The following ZNF385D variants were observed in gnomAD, a reference collection of about 807,000 sequenced individuals.
ZNF385D encodes the protein zinc finger protein 659.
In ZNF385D, 15 loss-of-function variants were observed where a neutral mutation model predicts 35.8. That is an observed-to-expected ratio of 0.42 (90% CI 0.28 to 0.64). The LOEUF (loss-of-function observed/expected upper bound fraction) is 0.64. ZNF385D is among the 30% of genes least tolerant of loss of function. The pLI is 0.23. For missense variants in ZNF385D, 474 were observed against 494.6 expected (o/e 0.96, Z 0.39); for synonymous variants, 212 against 186.8 (o/e 1.13, Z -1.10).
intron 3 of ZNF385D, among the ~76,000 whole-genome samples, chr3:21,893,129 A>G (rs958388244): frequency 6.6e-6 from 1 of 152,170 alleles, no homozygotes; most frequent in Non-Finnish European, 1.5e-5. Flanking sequence ...GTAACCTCTC[A>G]GAGCTTTAAG....
intron 2 of ZNF385D, among the ~76,000 whole-genome samples, chr3:22,283,226 T>C (rs758859802): frequency 2.0e-5 from 3 of 152,022 alleles, no homozygotes; most frequent in East Asian, 3.9e-4. Context: ...CAGCAAACGA[T>C]AGTAGTGGGG....
chr3:21,569,466 G>A (rs1177566973), intron 2 of ZNF385D, among the ~76,000 whole-genome samples: 3 of 150,926 alleles, frequency 2.0e-5, no homozygotes, highest in African/African-American at 7.4e-5. Context: ...CTCTGCATGT[G>A]AGATGGGTTT....
At chr3:22,292,561 C>T (rs1702353863) in intron 2 of ZNF385D, among the ~76,000 whole-genome samples, 1 of 151,976 alleles carries the variant, frequency 6.6e-6, no homozygotes, top group Admixed American at 6.6e-5. Context: ...GCAACATGCC[C>T]AGATAAGTTT....
chr3:22,312,608 T>C (rs966211312), intron 2 of ZNF385D, among the ~76,000 whole-genome samples: 2 of 152,136 alleles, frequency 1.3e-5, no homozygotes, highest in Non-Finnish European at 2.9e-5. Context: ...GAACAGACAC[T>C]TCTCAAAAGA....
intron 2 of ZNF385D, among the ~76,000 whole-genome samples, chr3:22,175,495 T>C (rs1694763865): frequency 6.6e-6 from 1 of 152,044 alleles, no homozygotes; most frequent in Non-Finnish European, 1.5e-5. Context: ...AAGGTGGCTC[T>C]AGCCACACAT....
At position 21,999,369 on chromosome 3, in the gene ZNF385D, T is replaced by G. The variant is rs531344120; in HGVS notation, c.325+169448A>C. Among the ~76,000 whole-genome samples, 6 of 152,272 alleles carry G rather than the reference T, an allele frequency of 3.9e-5. No individual in the cohort carries two copies. In the South Asian group the frequency reaches 1.0e-3, roughly 26 times the overall value. On this transcript the variant is annotated intron_variant, in intron 3 of 5. Transcript: ENST00000494108. ...GTCACATCTGATGTTATAGACAACT[T>G]TGAATGCAATCTTAGTGTATGGGAT...
intron 3 of ZNF385D, among the ~76,000 whole-genome samples, chr3:21,777,419 C>T (rs987548405): frequency 1.3e-5 from 2 of 151,912 alleles, no homozygotes; most frequent in Non-Finnish European, 2.9e-5. Context: ...GGCAAAGCAT[C>T]ATGTTCATGG....
chr3:21,833,213 T>G, intron 3 of ZNF385D, among the ~76,000 whole-genome samples: 1 of 152,240 alleles, frequency 6.6e-6, no homozygotes, highest in South Asian at 2.1e-4. Flanking sequence ...ATTTTTAGAA[T>G]GGTATACTTA....
chr3:21,440,269 G>A (rs1265001841), intron 4 of ZNF385D, among the ~76,000 whole-genome samples: 1 of 152,046 alleles, frequency 6.6e-6, no homozygotes. Context: ...TTAAATGAAT[G>A]ATAATGTTAA....
intron 1 of ZNF385D, among the ~76,000 whole-genome samples, chr3:21,716,764 CA>C (rs1487860484): frequency 6.6e-6 from 1 of 152,064 alleles, no homozygotes; most frequent in East Asian, 1.9e-4. Context: ...TAAGTTCTAT[CA>C]GGTTAGAATT....
At chr3:22,313,425 TATAAC>T (rs1703696582) in intron 2 of ZNF385D, among the ~76,000 whole-genome samples, 1 of 152,038 alleles carries the variant, frequency 6.6e-6, no homozygotes, top group Admixed American at 6.6e-5. Flanking sequence ...AAGATGTAGA[TATAAC>T]ATTTTTAAAA....
intron 1 of ZNF385D, among the ~76,000 whole-genome samples, chr3:21,681,981 A>G (rs980478606): frequency 2.0e-4 from 30 of 152,200 alleles, no homozygotes; most frequent in African/African-American, 2.4e-5. Flanking sequence ...AGTGAAAACC[A>G]TCATGACAAA....
intron 2 of ZNF385D, among the ~76,000 whole-genome samples, chr3:21,607,731 T>A (rs1176275896): frequency 4.6e-5 from 7 of 152,154 alleles, no homozygotes; most frequent in Non-Finnish European, 4.4e-5. Flanking sequence ...AGCATGCATG[T>A]TGGGACAGGA....
chr3:21,755,098 C>T (rs2070281875), upstream of ZNF385D, among the ~76,000 whole-genome samples: 1 of 152,202 alleles, frequency 6.6e-6, no homozygotes, highest in Non-Finnish European at 1.5e-5. Context: ...ATTCTCATAG[C>T]TGCATGGAGC....
At chr3:21,618,656 C>G (rs1350466595) in intron 2 of ZNF385D, among the ~76,000 whole-genome samples, 1 of 152,002 alleles carries the variant, frequency 6.6e-6, no homozygotes, top group Non-Finnish European at 1.5e-5. Context: ...ATCAGTACAC[C>G]TTAGGTTCTG....
chr3:21,764,122 C>T (rs772239046), intron 3 of ZNF385D, among the ~76,000 whole-genome samples: 4 of 152,004 alleles, frequency 2.6e-5, no homozygotes, highest in African/African-American at 4.8e-5. Flanking sequence ...ATATAAAGAA[C>T]GCGGTTGATT....
intron 2 of ZNF385D, among the ~76,000 whole-genome samples, chr3:22,364,358 CA>C (rs1403591315): frequency 6.6e-6 from 1 of 151,970 alleles, no homozygotes; most frequent in Non-Finnish European, 1.5e-5. Flanking sequence ...AATCATATAT[CA>C]GATTAAGGAT....
intron 3 of ZNF385D, among the ~76,000 whole-genome samples, chr3:21,951,527 T>C (rs1358631692): frequency 1.3e-5 from 2 of 151,678 alleles, no homozygotes; most frequent in Non-Finnish European, 2.9e-5. Flanking sequence ...TTCTTCCTAT[T>C]TGAATACCCT....
At chr3:22,142,364 T>A (rs983790455) in intron 3 of ZNF385D, among the ~76,000 whole-genome samples, 1 of 152,230 alleles carries the variant, frequency 6.6e-6, no homozygotes, top group Non-Finnish European at 1.5e-5. Flanking sequence ...ATTATCTCCA[T>A]AGCTCTTTTC....
Sources: allele counts gnomAD v4.1 joint callset (sites outside exome capture counted in the v4.1 genomes callset), GRCh38; gene constraint gnomAD v4.1.1; transcripts MANE v1.5; gene names NCBI Gene and HGNC (gene_info 2026-07-23, HGNC 2026-07-21).